CCDC77: variants seen among roughly 807,000 people sequenced by gnomAD.
CCDC77 encodes the protein coiled-coil domain-containing protein 77.
A neutral mutation model predicts 66.8 loss-of-function variants in CCDC77; 56 were observed. That is an observed-to-expected ratio of 0.84 (90% CI 0.68 to 1.05). CCDC77 has a LOEUF of 1.05. CCDC77 is among the 50% of genes least tolerant of loss of function. CCDC77 has a pLI of 0.00. For synonymous variants in CCDC77, 196 were observed against 195.2 expected, an observed-to-expected ratio of 1.00 and a Z score of -0.03; for missense variants, 570 against 576.8, an observed-to-expected ratio of 0.99 and a Z score of 0.12.
intron 5 of CCDC77, among the ~76,000 whole-genome samples, chr12:424,746 A>T: frequency 6.6e-6 from 1 of 152,008 alleles, no homozygotes; most frequent in Non-Finnish European, 1.5e-5. Context: ...CTTTTCTCCT[A>T]TGTTTTCTTC....
intron 1 of CCDC77, among the ~76,000 whole-genome samples, chr12:393,195 C>A (rs1325433377): frequency 6.6e-6 from 1 of 152,180 alleles, no homozygotes; most frequent in Non-Finnish European, 1.5e-5. Context: ...CCAGCTTACT[C>A]CAACTCTTGG....
chr12:413,052 C>T (rs1375344395), intron 4 of CCDC77, among the ~76,000 whole-genome samples: 2 of 151,422 alleles, frequency 1.3e-5, no homozygotes, highest in Non-Finnish European at 2.9e-5. Context: ...CATTCTCCTG[C>T]CTCAGCCTCC....
chr12:409,049 A>G (rs974685827), intron 2 of CCDC77, among the ~76,000 whole-genome samples: 3 of 151,928 alleles, frequency 2.0e-5, no homozygotes, highest in Non-Finnish European at 2.9e-5. Flanking sequence ...ACTAAAAATA[A>G]CAAAAATTCG....
At chr12:423,494 G>GTTTTTT (rs56233976) in intron 5 of CCDC77, among the ~76,000 whole-genome samples, 6 of 35,414 alleles carry the variant, frequency 1.7e-4, no homozygotes, top group African/African-American at 2.4e-4. Flanking sequence ...TTTTTGTTTT[G>GTTTTTT]TTTTTTTTTT....
chr12:438,394 C>A lies in CCDC77; in HGVS notation c.881C>A (p.Ser294Tyr), dbSNP rs745762910. The change falls in exon 10 of 13, where the codon TCT becomes TAT. Residue 294 changes from serine (S) to tyrosine (Y), a missense_variant. Ser to Tyr is a moderately radical substitution (Grantham distance 144). Coordinates refer to ENST00000239830, the MANE Select transcript of CCDC77 (RefSeq NM_032358.4). ...ESTKDFLQLR[S>Y]ENQNKEKSWM... ...ACCAAAGATTTTCTGCAACTCAGAT[C>A]TGAAAACCAAAATAAAGAGAAGTCA... 1.1e-5 allele frequency: 17 copies of A among 1,614,022 alleles called. No individual in the cohort carries two copies. The highest frequency in any genetic ancestry group is 3.3e-4 in the Middle Eastern group (2 of 6,062).
intron 1 of CCDC77, among the ~76,000 whole-genome samples, chr12:404,320 A>AAAAT (rs1480285077): frequency 6.6e-6 from 1 of 152,244 alleles, no homozygotes; most frequent in South Asian, 2.1e-4. Context: ...TCTGTCTCAA[A>AAAAT]AAATAAATAA....
At chr12:434,059 G>A (rs1470647142) in intron 9 of CCDC77, among the ~76,000 whole-genome samples, 3 of 151,932 alleles carry the variant, frequency 2.0e-5, no homozygotes, top group South Asian at 2.1e-4. Flanking sequence ...GACGTAGAAC[G>A]TCCTGTAAAC....
rs1291922027 is a variant in CCDC77 at position 416,339 on chromosome 12, GT to G, written c.271-2154del. 4.5e-4 allele frequency among the ~76,000 whole-genome samples: 19 copies of G among 42,410 alleles called. 1 individual carries two copies. Among genetic ancestry groups the G allele is most frequent in the Non-Finnish European group, 5.6e-4 (14 of 24,846 alleles). 27.8% of individuals were successfully genotyped at this position (42,410 alleles called of 152,430 possible). ...TGTGTGTGTGTGAGTCTGTGGGTGTGTGGGGGTGTGTGTGTGTGTGTGTGTG... is the reference window on the plus strand; with the variant it reads ...TGTGTGTGTGTGAGTCTGTGGGTGTGGGGGGTGTGTGTGTGTGTGTGTGTG... On this transcript the variant is annotated intron_variant, in intron 4 of 12. Coordinates refer to ENST00000239830, the MANE Select transcript of CCDC77 (RefSeq NM_032358.4).
chr12:424,413 G>C (rs1230241400), intron 5 of CCDC77, among the ~76,000 whole-genome samples: 1 of 151,350 alleles, frequency 6.6e-6, no homozygotes, highest in Non-Finnish European at 1.5e-5. Context: ...CTGTCGGCCA[G>C]GGTGATCCTC....
At chr12:404,617 A>C (rs1336181596) in intron 1 of CCDC77, among the ~76,000 whole-genome samples, 1 of 151,958 alleles carries the variant, frequency 6.6e-6, no homozygotes, top group Non-Finnish European at 1.5e-5. Context: ...CAGAGAGGTG[A>C]GTGTAGACAA....
chr12:441,771 T>C lies in CCDC77; in HGVS notation c.1321-3T>C, dbSNP rs770718111. The C allele has an allele frequency of 1.9e-6, 3 of 1,550,866 alleles. No individual in the cohort carries two copies. The highest frequency in any genetic ancestry group is 2.7e-6 in the Non-Finnish European group (3 of 1,131,398). On this transcript the variant is annotated splice_polypyrimidine_tract_variant and splice_region_variant and intron_variant, in intron 12 of 12. Transcript: ENST00000239830. ...TTTTTTTTTTTTTTTTTCAAACCCC[T>C]AGGCAACAGTTAATGCCCGGGCAAA... is the stretch of plus-strand genomic sequence containing the variant.
intron 8 of CCDC77, among the ~76,000 whole-genome samples, chr12:432,446 A>G (rs1293266599): frequency 6.6e-6 from 1 of 152,202 alleles, no homozygotes; most frequent in Non-Finnish European, 1.5e-5. Context: ...GTTGATTTAA[A>G]TGACAGTTTC....
intron 1 of CCDC77, among the ~76,000 whole-genome samples, chr12:403,948 A>G (rs2137534266): frequency 6.6e-6 from 1 of 152,296 alleles, no homozygotes; most frequent in Admixed American, 6.5e-5. Context: ...GCTAATTTTT[A>G]AAATTTTGGT....
intron 1 of CCDC77, among the ~76,000 whole-genome samples, chr12:395,527 C>T (rs1565559974): frequency 6.6e-6 from 1 of 151,728 alleles, no homozygotes; most frequent in Non-Finnish European, 1.5e-5. Flanking sequence ...TCTACGAACC[C>T]AACCAACTAC....
intron 4 of CCDC77, among the ~76,000 whole-genome samples, chr12:414,421 C>G (rs995070286): frequency 6.6e-6 from 1 of 152,198 alleles, no homozygotes; most frequent in Non-Finnish European, 1.5e-5. Flanking sequence ...TTCACAATTT[C>G]TATCTAACCT....
chr12:410,344 C>T (rs559279602), intron 3 of CCDC77, among the ~76,000 whole-genome samples: 38 of 151,890 alleles, frequency 2.5e-4, no homozygotes, highest in African/African-American at 8.0e-4. Flanking sequence ...CTTGGCTCAC[C>T]GCAACGTCTG....
chr12:390,197 G>C (rs960976271), intron 1 of CCDC77: 1 of 149,040 alleles, frequency 6.7e-6, no homozygotes, highest in Non-Finnish European at 1.5e-5. Context: ...ATAATCGTGT[G>C]TCTCTCCATC....
chr12:428,688 G>C, intron 5 of CCDC77, 81 bp from the exon 6 acceptor site: 1 of 819,184 alleles, frequency 1.2e-6, no homozygotes, highest in Non-Finnish European at 1.9e-6. Context: ...AAAAAAAATA[G>C]AAGGGAGATC....
intron 1 of CCDC77, among the ~76,000 whole-genome samples, chr12:404,695 G>A (rs1944959319): frequency 6.6e-6 from 1 of 151,828 alleles, no homozygotes; most frequent in South Asian, 2.1e-4. Flanking sequence ...CAGGTTGTTA[G>A]AAGGGTCTTT....
Sources: allele counts gnomAD v4.1 joint callset (sites outside exome capture counted in the v4.1 genomes callset), GRCh38; gene constraint gnomAD v4.1.1; transcripts MANE v1.5; gene names NCBI Gene and HGNC (gene_info 2026-07-23, HGNC 2026-07-21).